The following GAP43 variants were observed in gnomAD, a reference collection of about 807,000 sequenced individuals.
The protein encoded by GAP43 is neuromodulin.
A neutral mutation model predicts 18.6 loss-of-function variants in GAP43; 6 were observed. The observed-to-expected ratio is 0.32, with a 90% CI of 0.18 to 0.64. The LOEUF (loss-of-function observed/expected upper bound fraction) is 0.64. Among genes scored for constraint, GAP43 ranks in the 30% least tolerant of loss-of-function variants. GAP43 has a pLI of 0.78. For missense variants in GAP43, 292 were observed against 295.5 expected, an observed-to-expected ratio of 0.99 and a Z score of 0.09; for synonymous variants, 115 against 111.4, an observed-to-expected ratio of 1.03 and a Z score of -0.20.
intron 2 of GAP43, among the ~76,000 whole-genome samples, chr3:115,709,834 C>T (rs1709411124): frequency 8.9e-6 from 1 of 112,204 alleles, no homozygotes; most frequent in Non-Finnish European, 1.9e-5. Flanking sequence ...TGCAAGTATA[C>T]ATGAACATAC....
chr3:115,683,469 G>T (rs948199756), intron 2 of GAP43, among the ~76,000 whole-genome samples: 1 of 152,112 alleles, frequency 6.6e-6, no homozygotes, highest in African/African-American at 2.4e-5. Context: ...TGAATATAAA[G>T]AGTTGAAAAT....
chr3:115,720,671 TA>T, intron 2 of GAP43, 122 bp from the exon 3 acceptor site: 1 of 629,410 alleles, frequency 1.6e-6, no homozygotes, highest in Non-Finnish European at 2.8e-6. Flanking sequence ...TAATCTCTTT[TA>T]ATCTTAATGC....
intron 1 of GAP43, among the ~76,000 whole-genome samples, chr3:115,632,950 A>G (rs905984443): frequency 2.0e-5 from 3 of 152,004 alleles, no homozygotes; most frequent in African/African-American, 7.2e-5. Context: ...CTTCTATTAT[A>G]TATGCGTTTT....
intron 2 of GAP43, among the ~76,000 whole-genome samples, chr3:115,693,688 G>A (rs1234367017): frequency 6.6e-6 from 1 of 151,866 alleles, no homozygotes; most frequent in Non-Finnish European, 1.5e-5. Context: ...AATTAAGAAA[G>A]GGGTGGGGGA....
At chr3:115,681,696 G>A (rs924308353) in intron 2 of GAP43, among the ~76,000 whole-genome samples, 4 of 152,184 alleles carry the variant, frequency 2.6e-5, no homozygotes, top group Non-Finnish European at 5.9e-5. Context: ...TCTAATAATA[G>A]GTAGCACTTA....
chr3:115,625,738 C>T (rs1287562775), intron 1 of GAP43, among the ~76,000 whole-genome samples: 1 of 152,176 alleles, frequency 6.6e-6, no homozygotes, highest in Non-Finnish European at 1.5e-5. Context: ...ATCTCACCAA[C>T]AGCCCCAAGC....
At chr3:115,714,452 G>T (rs1208907983) in intron 2 of GAP43, among the ~76,000 whole-genome samples, 1 of 152,120 alleles carries the variant, frequency 6.6e-6, no homozygotes, top group Non-Finnish European at 1.5e-5. Context: ...CTGTCCAAAT[G>T]ACTGAATATA....
intron 1 of GAP43, among the ~76,000 whole-genome samples, chr3:115,669,742 T>C (rs1235341889): frequency 6.6e-6 from 1 of 152,152 alleles, no homozygotes; most frequent in Non-Finnish European, 1.5e-5. Context: ...AAATAATACA[T>C]TAAAGTGGAC....
chr3:115,665,001 T>C (rs547491699), intron 1 of GAP43, among the ~76,000 whole-genome samples: 1 of 152,256 alleles, frequency 6.6e-6, no homozygotes, highest in African/African-American at 2.4e-5. Context: ...TTTTAATTTC[T>C]CAAATACTGT....
intron 2 of GAP43, among the ~76,000 whole-genome samples, chr3:115,679,365 TG>T: frequency 1.3e-5 from 2 of 152,322 alleles, no homozygotes; most frequent in Non-Finnish European, 2.9e-5. Flanking sequence ...CTGTTTGTTA[TG>T]GGGGGATGTC....
chr3:115,698,930 GACA>G (rs1709259718), intron 2 of GAP43, among the ~76,000 whole-genome samples: 1 of 152,108 alleles, frequency 6.6e-6, no homozygotes, highest in South Asian at 2.1e-4. Context: ...CCTTACGTAT[GACA>G]ACAGAAAATG....
intron 1 of GAP43, among the ~76,000 whole-genome samples, chr3:115,665,993 TGTGTGTGTGTGTGTG>T (rs544271783): frequency 0.04 from 5,526 of 139,464 alleles, 313 homozygotes; most frequent in African/African-American, 0.13. Context: ...TAAATGAGTG[TGTGTGTGTGTGTGTG>T]TGTGTGTGTG....
chr3:115,676,625 G>A lies in GAP43; in HGVS notation c.628+15G>A. ...AGAGAACATAGGTGAGCAACCGCGA[G>A]GGTCAGATGCAATGGGTGGATGGGG... On this transcript the variant is annotated intron_variant, in intron 2 of 2. Coordinates refer to ENST00000305124, the MANE Select transcript of GAP43 (RefSeq NM_002045.4). The A allele has an allele frequency of 1.9e-6, 3 of 1,552,120 alleles. No individual in the cohort carries two copies. Among genetic ancestry groups the A allele is most frequent in the Non-Finnish European group, 2.6e-6 (3 of 1,153,326 alleles).
At chr3:115,656,642 G>A (rs1485279061) in intron 1 of GAP43, among the ~76,000 whole-genome samples, 3 of 152,124 alleles carry the variant, frequency 2.0e-5, no homozygotes, top group African/African-American at 4.8e-5. Flanking sequence ...TCTTTCCATC[G>A]TTCTCAGAAA....
intron 2 of GAP43, among the ~76,000 whole-genome samples, chr3:115,688,198 G>A (rs1234227397): frequency 1.3e-5 from 2 of 151,846 alleles, no homozygotes; most frequent in African/African-American, 4.8e-5. Flanking sequence ...TTGGATTTTT[G>A]GTAGAGATGA....
At chr3:115,706,641 C>T (rs986283552) in intron 2 of GAP43, among the ~76,000 whole-genome samples, 1 of 152,198 alleles carries the variant, frequency 6.6e-6, no homozygotes, top group African/African-American at 2.4e-5. Flanking sequence ...GACTTCTCTT[C>T]TTTGCTGCCC....
At chr3:115,652,224 T>C (rs1418524666) in intron 1 of GAP43, among the ~76,000 whole-genome samples, 3 of 152,104 alleles carry the variant, frequency 2.0e-5, no homozygotes, top group Non-Finnish European at 4.4e-5. Flanking sequence ...TCTGAAGATA[T>C]TATCTTTTGT....
chr3:115,670,375 T>G, intron 1 of GAP43, among the ~76,000 whole-genome samples: 1 of 151,908 alleles, frequency 6.6e-6, no homozygotes, highest in East Asian at 1.9e-4. Context: ...ATGTGCCACA[T>G]TTTCTTAATC....
intron 1 of GAP43, among the ~76,000 whole-genome samples, chr3:115,638,200 A>G (rs1708354037): frequency 6.6e-6 from 1 of 151,946 alleles, no homozygotes; most frequent in Non-Finnish European, 1.5e-5. Flanking sequence ...AAGATTGTGT[A>G]TCTCCCCTAT....
Sources: gnomAD v4.1 joint callset for allele counts (sites outside exome capture counted in the v4.1 genomes callset) on GRCh38, gnomAD v4.1.1 for gene constraint, MANE v1.5 for transcripts, NCBI Gene and HGNC (gene_info 2026-07-23, HGNC 2026-07-21) for gene names.